GPR180: variants seen among roughly 807,000 people sequenced by gnomAD.
GPR180 encodes the protein G protein-coupled receptor 180.
In GPR180, 53 loss-of-function variants were observed where a neutral mutation model predicts 52.6. That is an observed-to-expected ratio of 1.01 (90% CI 0.81 to 1.27). The LOEUF (loss-of-function observed/expected upper bound fraction) is 1.27, where lower values mean the gene tolerates loss of function less well. Among genes scored for constraint, GPR180 ranks in the 50% most tolerant of loss-of-function variants. The pLI is 0.00. For synonymous variants in GPR180, 200 were observed against 193.1 expected (o/e 1.04, Z -0.30); for missense variants, 533 against 527.0 (o/e 1.01, Z -0.11).
chr13:94,618,420 A>T (rs983437577), intron 3 of GPR180, among the ~76,000 whole-genome samples: 127 of 87,128 alleles, frequency 1.5e-3, no homozygotes, highest in African/African-American at 2.8e-3. Context: ...TCAGCACAGG[A>T]TTTTTTTTTT....
chr13:94,607,555 A>G (rs1373150505), intron 2 of GPR180, among the ~76,000 whole-genome samples: 3 of 152,312 alleles, frequency 2.0e-5, no homozygotes, highest in East Asian at 3.9e-4. Context: ...CTAAGTTTTT[A>G]TAGCCTCTTG....
chr13:94,612,131 A>G (rs1477235053), intron 2 of GPR180, 59 bp from the exon 3 acceptor site: 3 of 1,345,542 alleles, frequency 2.2e-6, no homozygotes, highest in Non-Finnish European at 3.2e-6. Flanking sequence ...TTATATGACT[A>G]AAACAGTGAA....
intron 2 of GPR180, among the ~76,000 whole-genome samples, chr13:94,607,697 T>C (rs910041500): frequency 5.3e-5 from 8 of 152,108 alleles, no homozygotes; most frequent in Non-Finnish European, 1.2e-4. Context: ...CATGTACTGC[T>C]AGGTACTGTT....
At chr13:94,611,602 A>G (rs879877233) in intron 2 of GPR180, among the ~76,000 whole-genome samples, 6 of 152,084 alleles carry the variant, frequency 3.9e-5, no homozygotes, top group Non-Finnish European at 5.9e-5. Flanking sequence ...ACTTTCCTCA[A>G]GAATGCCTGG....
At chr13:94,618,315 C>T (rs1158949400) in intron 3 of GPR180, among the ~76,000 whole-genome samples, 1 of 151,738 alleles carries the variant, frequency 6.6e-6, no homozygotes, top group African/African-American at 2.4e-5. Context: ...CCTAACTTAG[C>T]TTTCAGAATT....
At position 94,601,880 on chromosome 13, in the gene GPR180, C is replaced by A; in HGVS notation, c.-48C>A. 2 of 1,338,024 alleles carry A rather than the reference C, an allele frequency of 1.5e-6. No homozygotes were observed. Among genetic ancestry groups the A allele is most frequent in the Non-Finnish European group, 1.9e-6 (2 of 1,043,932 alleles). The allele number at this position is 1,338,024 out of a possible 1,614,324, so 82.9% of individuals were successfully genotyped here. ...CCAGCTGCCGACGTGGGGCGGGCAG[C>A]CGCCGGCGGCTGGGAGCCGAGGCGT... On this transcript the variant is annotated 5_prime_UTR_variant, in exon 1 of 9. Coordinates refer to ENST00000376958, the MANE Select transcript of GPR180 (RefSeq NM_180989.6).
rs1889953637 is a variant in GPR180, at chr13:94,628,388, C to T, written c.*1217C>T. 1 of 151,998 alleles carries T rather than the reference C, an allele frequency of 6.6e-6. No individual in the cohort carries two copies. Among genetic ancestry groups the T allele is most frequent in the African/African-American group, 2.4e-5 (1 of 41,430 alleles). 9.4% of individuals were successfully genotyped at this position (151,998 alleles called of 1,614,324 possible). A position where few individuals can be genotyped will look rare whatever the true frequency, so the allele number is the denominator to read the frequency against. On this transcript the variant is annotated 3_prime_UTR_variant, in exon 9 of 9. Coordinates refer to ENST00000376958, the MANE Select transcript of GPR180 (RefSeq NM_180989.6). ...AATTATTCTGTTGCTGTTTGTCAAGCTGTTCAGGCCTTTTCCTTTTTACTT... is the reference window on the plus strand; with the variant it reads ...AATTATTCTGTTGCTGTTTGTCAAGTTGTTCAGGCCTTTTCCTTTTTACTT...
At position 94,601,971 on chromosome 13, in the gene GPR180, G is replaced by A. The variant is rs747157272; in HGVS notation, c.44G>A (p.Trp15Ter). Residue 15 changes from tryptophan to a stop codon, truncating the protein, a stop_gained, in exon 1 of 9, where the codon TGG (tryptophan) becomes TAG (stop). Coordinates refer to ENST00000376958, the MANE Select transcript of GPR180 (RefSeq NM_180989.6). LOFTEE classifies it high-confidence loss of function. ...RLLAVALTCCWWPQGSQGKTL... is the reference protein window; with the variant it reads ...RLLAVALTCC ...CTGGCTGTGGCCCTCACGTGCTGCT[G>A]GTGGCCGCAGGGCAGCCAGGGTAAG... 79 of 1,497,248 alleles carry A rather than the reference G, an allele frequency of 5.3e-5. No individual in the cohort carries two copies. The highest frequency in any genetic ancestry group is 3.1e-5 in the Non-Finnish European group (35 of 1,128,656). The allele number at this position is 1,497,248 out of a possible 1,614,324, so 92.7% of individuals were successfully genotyped here.
Position 94,612,254 on chromosome 13 carries a change from T to C in GPR180, c.369T>C (p.His123=), listed in dbSNP as rs150434560. ...VSQIPSPQTW[H]VFYADKYTCQ... Reference sequence around the variant, plus strand: ...AGATTCCGTCTCCACAAACGTGGCATGTGTTTTATGCAGACAAGTATACAT... The same window carrying C: ...AGATTCCGTCTCCACAAACGTGGCACGTGTTTTATGCAGACAAGTATACAT... Residue 123 remains histidine (H), a synonymous_variant, in exon 3 of 9, where the codon CAT becomes CAC. Transcript: ENST00000376958. 8 of 1,613,906 alleles carry C rather than the reference T, an allele frequency of 5.0e-6. No individual in the cohort carries two copies. The African/African-American group carries it at 6.7e-5, about 13-fold the overall frequency.
intron 2 of GPR180, among the ~76,000 whole-genome samples, chr13:94,611,581 C>G (rs1445388046): frequency 6.6e-6 from 1 of 152,008 alleles, no homozygotes; most frequent in South Asian, 2.1e-4. Flanking sequence ...AAGATGGTGG[C>G]GAGACTTGGC....
rs562376596 is a variant in GPR180 at position 94,634,471 on chromosome 13, A to T, written c.*7300A>T. 1 of 152,108 alleles carries T rather than the reference A, an allele frequency of 6.6e-6. No homozygotes were observed. The highest frequency in any genetic ancestry group is 1.5e-5 in the Non-Finnish European group (1 of 67,992). 9.4% of individuals were successfully genotyped at this position (152,108 alleles called of 1,614,324 possible). A position where few individuals can be genotyped will look rare whatever the true frequency, so the allele number is the denominator to read the frequency against. ...TCAATCACCTTTTAAAGACTTCTTT[A>T]TATAGCTCTTGTACATTTCTTGATA... On this transcript the variant is annotated 3_prime_UTR_variant, in exon 9 of 9. Coordinates refer to ENST00000376958, the MANE Select transcript of GPR180 (RefSeq NM_180989.6).
intron 3 of GPR180, among the ~76,000 whole-genome samples, chr13:94,615,934 C>T (rs1051930157): frequency 6.6e-6 from 1 of 152,050 alleles, no homozygotes; most frequent in Non-Finnish European, 1.5e-5. Flanking sequence ...AACAGAAAAC[C>T]CTAATGCAAG....
intron 7 of GPR180, among the ~76,000 whole-genome samples, chr13:94,624,764 G>A (rs1272082793): frequency 3.3e-5 from 5 of 152,150 alleles, no homozygotes; most frequent in Admixed American, 2.0e-4. Flanking sequence ...GGATGCTCTC[G>A]ACCTCCTGAC....
chr13:94,608,386 C>T (rs1199701531), intron 2 of GPR180, among the ~76,000 whole-genome samples: 1 of 152,106 alleles, frequency 6.6e-6, no homozygotes, highest in South Asian at 2.1e-4. Context: ...TTTCTAGTTT[C>T]TCTTTCTTTT....
rs1181520831 is a variant in GPR180 at position 94,634,114 on chromosome 13, AG to A, written c.*6944del. On this transcript the variant is annotated 3_prime_UTR_variant, in exon 9 of 9. Transcript: ENST00000376958. ...TTTTGTTTTTTATAATTTTCCAATT[AG>A]TCTTGCTCATTTTTTATATAAACTT... The A allele has an allele frequency of 6.6e-6, 1 of 152,160 alleles. No homozygotes were observed. Among genetic ancestry groups the A allele is most frequent in the African/African-American group, 2.4e-5 (1 of 41,448 alleles). 9.4% of individuals were successfully genotyped at this position (152,160 alleles called of 1,614,324 possible). A position where few individuals can be genotyped will look rare whatever the true frequency, so the allele number is the denominator to read the frequency against.
intron 2 of GPR180, among the ~76,000 whole-genome samples, chr13:94,606,323 A>G (rs1889630138): frequency 6.6e-6 from 1 of 152,144 alleles, no homozygotes; most frequent in African/African-American, 2.4e-5. Flanking sequence ...ATGTACCACC[A>G]CCACATCATT....
intron 3 of GPR180, among the ~76,000 whole-genome samples, chr13:94,613,565 C>T (rs774485742): frequency 1.0e-3 from 158 of 152,042 alleles, no homozygotes; most frequent in Non-Finnish European, 1.9e-3. Context: ...GGATTACAGG[C>T]GTGAGCCGCT....
At chr13:94,616,192 T>C (rs1889775782) in intron 3 of GPR180, among the ~76,000 whole-genome samples, 1 of 152,200 alleles carries the variant, frequency 6.6e-6, no homozygotes, top group African/African-American at 2.4e-5. Flanking sequence ...ACATTTCCTT[T>C]TTCAGAACTG....
chr13:94,603,236 C>T (rs1298544018), intron 1 of GPR180, among the ~76,000 whole-genome samples: 1 of 152,142 alleles, frequency 6.6e-6, no homozygotes, highest in Non-Finnish European at 1.5e-5. Context: ...GTTTCTCATT[C>T]AACGGACTGT....
Sources: gnomAD v4.1 joint callset for allele counts (sites outside exome capture counted in the v4.1 genomes callset) on GRCh38, gnomAD v4.1.1 for gene constraint, MANE v1.5 for transcripts, NCBI Gene and HGNC (gene_info 2026-07-23, HGNC 2026-07-21) for gene names.